The following EIF4ENIF1 variants were observed in gnomAD, a reference collection of about 807,000 sequenced individuals.
EIF4ENIF1 encodes the protein eukaryotic translation initiation factor 4E transporter.
A neutral mutation model predicts 110.5 loss-of-function variants in EIF4ENIF1; 23 were observed. The observed-to-expected ratio is 0.21, with a 90% CI of 0.15 to 0.29. The LOEUF is 0.29. Ranked by LOEUF, EIF4ENIF1 falls within the 10% of genes least tolerant of loss-of-function variation. The pLI is 1.00. For missense variants in EIF4ENIF1, 1,031 were observed against 1,221.1 expected (o/e 0.84, Z 2.32); for synonymous variants, 440 against 437.0 (o/e 1.01, Z -0.09).
At chr22:31,473,295 C>T (rs112503802) in intron 2 of EIF4ENIF1, among the ~76,000 whole-genome samples, 2 of 152,122 alleles carry the variant, frequency 1.3e-5, no homozygotes, top group African/African-American at 2.4e-5. Flanking sequence ...TCACATATAA[C>T]GGATGCCTCA....
rs1005207713 is a variant in EIF4ENIF1 at position 31,468,450 on chromosome 22, A to G, written c.171-148T>C. On this transcript the variant is annotated intron_variant, in intron 3 of 18. Transcript: ENST00000330125. ...CGCTCTGTCGCCCAGGATGGAGCGC[A>G]GTGGCGTGATCTCAGCTCACTGCAC... is the stretch of plus-strand genomic sequence containing the variant. 4 of 1,134,328 alleles carry G rather than the reference A, an allele frequency of 3.5e-6. No homozygotes were observed. In the South Asian group the frequency reaches 6.1e-5, roughly 17 times the overall value. The allele number at this position is 1,134,328 out of a possible 1,614,324, so 70.3% of individuals were successfully genotyped here.
chr22:31,442,140 A>G (rs747517913), intron 16 of EIF4ENIF1, 22 bp from the exon 17 acceptor site: 19 of 1,571,326 alleles, frequency 1.2e-5, no homozygotes, highest in Middle Eastern at 1.7e-4. Flanking sequence ...CAAACAAAAA[A>G]TATTTTGGCA....
intron 4 of EIF4ENIF1, 199 bp from the exon 5 acceptor site, chr22:31,464,166 C>A: frequency 1.7e-6 from 1 of 585,066 alleles, no homozygotes; most frequent in Non-Finnish European, 2.8e-6. Flanking sequence ...TTCCTCTTTG[C>A]AGCAATAGAA....
At chr22:31,477,771 C>A (rs1044068804) in intron 2 of EIF4ENIF1, among the ~76,000 whole-genome samples, 1 of 152,182 alleles carries the variant, frequency 6.6e-6, no homozygotes, top group East Asian at 1.9e-4. Context: ...CCATTTTCTT[C>A]ACTGAGAAAT....
intron 4 of EIF4ENIF1, among the ~76,000 whole-genome samples, chr22:31,464,461 C>T (rs989801691): frequency 2.3e-4 from 34 of 150,872 alleles, no homozygotes; most frequent in Non-Finnish European, 5.9e-5. Context: ...AGGTGGATCA[C>T]GAGGTTAGGA....
intron 2 of EIF4ENIF1, among the ~76,000 whole-genome samples, chr22:31,478,633 C>A (rs2051684474): frequency 6.8e-6 from 1 of 146,800 alleles, no homozygotes; most frequent in East Asian, 2.0e-4. Context: ...CTGGCTAACA[C>A]AGTGAAACCC....
At chr22:31,465,917 G>GT (rs1320982546) in intron 4 of EIF4ENIF1, among the ~76,000 whole-genome samples, 1 of 152,174 alleles carries the variant, frequency 6.6e-6, no homozygotes, top group African/African-American at 2.4e-5. Context: ...ATATACTATA[G>GT]TAACTCCATT....
intron 16 of EIF4ENIF1, among the ~76,000 whole-genome samples, chr22:31,442,521 G>A (rs1247356267): frequency 6.6e-6 from 1 of 152,052 alleles, no homozygotes; most frequent in Non-Finnish European, 1.5e-5. Context: ...TTTGGAATCC[G>A]CATGTTACCA....
intron 8 of EIF4ENIF1, among the ~76,000 whole-genome samples, chr22:31,455,547 C>T (rs1027456322): frequency 3.9e-5 from 6 of 151,900 alleles, no homozygotes; most frequent in African/African-American, 1.2e-4. Flanking sequence ...TACAGATGCC[C>T]GCCACCACGC....
rs774036092 is a variant in EIF4ENIF1 at position 31,440,780 on chromosome 22, A to T, written c.2640T>A (p.Ala880=). 3 of 1,614,024 alleles carry T rather than the reference A, an allele frequency of 1.9e-6. No individual in the cohort carries two copies. The highest frequency in any genetic ancestry group is 2.5e-6 in the Non-Finnish European group (3 of 1,179,882). The stretch of plus-strand genomic sequence containing the variant: ...GACGAGGGTTTAAGAGAGGGTGACT[A>T]GCAGCAGGTAAAGGGTAAAAGGGCT... ...LGQPFYPLPA[A]SHPLLNPRPG... Residue 880 remains alanine, a synonymous_variant, in exon 18 of 19, where the codon GCT becomes GCA. Coordinates refer to ENST00000330125, the MANE Select transcript of EIF4ENIF1 (RefSeq NM_019843.4).
chr22:31,460,645 TA>T (rs1019763377), intron 6 of EIF4ENIF1, among the ~76,000 whole-genome samples: 4 of 138,582 alleles, frequency 2.9e-5, no homozygotes, highest in Admixed American at 7.4e-5. Context: ...AAAAGAAAAT[TA>T]ATTAAAAAAA....
intron 4 of EIF4ENIF1, among the ~76,000 whole-genome samples, chr22:31,464,691 AAAAAAAAAATATAT>A (rs1384166205): frequency 6.0e-5 from 3 of 49,738 alleles, no homozygotes; most frequent in Admixed American, 2.1e-4. Context: ...AAAAAAAAAA[AAAAAAAAAATATAT>A]ATATATATAT....
intron 2 of EIF4ENIF1, among the ~76,000 whole-genome samples, chr22:31,483,530 G>T (rs897469117): frequency 6.6e-6 from 1 of 151,938 alleles, no homozygotes; most frequent in Non-Finnish European, 1.5e-5. Context: ...TAAGCCAATG[G>T]TTCTCAAACT....
In EIF4ENIF1 at chr22:31,483,551, C is replaced by T. The variant is rs140476721; in HGVS notation, c.96+5072G>A. The stretch of plus-strand genomic sequence containing the variant: ...AATGGTTCTCAAACTTGAACCAGAG[C>T]CAGAATCCCCTGAAGAGCTTGTTAA... On this transcript the variant is annotated intron_variant, in intron 2 of 18. Transcript: ENST00000330125. Among the ~76,000 whole-genome samples, 83 of 152,070 alleles carry T rather than the reference C, an allele frequency of 5.5e-4. No individual in the cohort carries two copies. In the East Asian group the frequency reaches 0.015, roughly 28 times the overall value.
In EIF4ENIF1 at chr22:31,478,722, C is replaced by T. The variant is rs144524090; in HGVS notation, c.97-6805G>A. On this transcript the variant is annotated intron_variant, in intron 2 of 18. Transcript: ENST00000330125. ...ATCCCAGCACTTTGGGAGGCTGAGG[C>T]GGGCGGATCATGAGGTCAGGAGATC... 0.019 allele frequency among the ~76,000 whole-genome samples: 2,834 copies of T among 151,616 alleles called. 301 individuals carry two copies. In the East Asian group the frequency reaches 0.33, roughly 18 times the overall value.
chr22:31,447,547 G>C lies in EIF4ENIF1; in HGVS notation c.1867C>G (p.Gln623Glu), dbSNP rs909072098. Residue 623 changes from glutamine to glutamate, a missense_variant, in exon 14 of 19, where the codon CAA (glutamine) becomes GAA (glutamate). Transcript: ENST00000330125. ...GCCAGCCCTTCTAAAGCTGCCTGTT[G>C]CAACTCCAGCTGGCTCATCTGCTGA... ...ITAQMSQLEL[Q>E]QAALEGLALP... 67 of 1,605,782 alleles carry C rather than the reference G, an allele frequency of 4.2e-5. No individual in the cohort carries two copies. The highest frequency in any genetic ancestry group is 4.9e-5 in the Non-Finnish European group (58 of 1,174,618).
At chr22:31,450,529 C>CA (rs2050613775) in intron 10 of EIF4ENIF1, 169 bp from the exon 11 acceptor site, 3 of 508,200 alleles carry the variant, frequency 5.9e-6, no homozygotes, top group Non-Finnish European at 1.1e-5. Flanking sequence ...ACACAGGTCT[C>CA]AAAGATCTGG....
At chr22:31,453,111 T>G (rs1339245916) in intron 10 of EIF4ENIF1, among the ~76,000 whole-genome samples, 1 of 152,220 alleles carries the variant, frequency 6.6e-6, no homozygotes, top group Non-Finnish European at 1.5e-5. Flanking sequence ...TTTATGTTTT[T>G]ATTATTCATA....
At chr22:31,453,518 G>A in intron 10 of EIF4ENIF1, 1 of 218,064 alleles carries the variant, frequency 4.6e-6, no homozygotes, top group South Asian at 5.8e-5. Flanking sequence ...GAGATTACAG[G>A]CGCATGCCCC....
Sources: allele counts gnomAD v4.1 joint callset (sites outside exome capture counted in the v4.1 genomes callset), GRCh38; gene constraint gnomAD v4.1.1; transcripts MANE v1.5; gene names NCBI Gene and HGNC (gene_info 2026-07-23, HGNC 2026-07-21).